MAP4K4: variants seen among roughly 807,000 people sequenced by gnomAD.
MAP4K4 encodes mitogen-activated protein kinase kinase kinase kinase 4, also known as HPK/GCK-like kinase HGK.
Under a neutral mutation model 189.6 loss-of-function variants are expected in MAP4K4, and 38 were observed. The ratio of observed to expected loss-of-function variants is 0.20; its 90% CI spans 0.15 to 0.26. The LOEUF (loss-of-function observed/expected upper bound fraction) is 0.26, where lower values mean the gene tolerates loss of function less well. MAP4K4 is among the 10% of genes least tolerant of loss of function. The probability of loss-of-function intolerance (pLI) is 1.00; values close to 1 mark genes in which losing one functional copy is unlikely to be tolerated. For missense variants in MAP4K4, 1,054 were observed against 1,726.9 expected (o/e 0.61, Z 6.91); for synonymous variants, 610 against 624.3 (o/e 0.98, Z 0.34).
chr2:101,791,586 T>C (rs1414001192), intron 3 of MAP4K4, among the ~76,000 whole-genome samples: 1 of 152,230 alleles, frequency 6.6e-6, no homozygotes, highest in Non-Finnish European at 1.5e-5. Context: ...AAGAGTTCAC[T>C]AGCAGCATTG....
At chr2:101,870,404 A>G (rs2097950746) in exon 23 of MAP4K4, 4 of 1,613,510 alleles carry the variant, frequency 2.5e-6, no homozygotes, top group African/African-American at 2.7e-5. Context: ...GGGCACTCTA[A>G]TCGTCCGCCA....
intron 2 of MAP4K4, among the ~76,000 whole-genome samples, chr2:101,754,715 G>C (rs753406218): frequency 3.9e-5 from 6 of 152,184 alleles, no homozygotes; most frequent in Non-Finnish European, 8.8e-5. Context: ...ACACAGCCTT[G>C]GGAATATGCC....
intron 18 of MAP4K4, among the ~76,000 whole-genome samples, chr2:101,865,423 T>C (rs1181504593): frequency 6.6e-6 from 1 of 152,246 alleles, no homozygotes; most frequent in Admixed American, 6.5e-5. Flanking sequence ...AGTCACTGGT[T>C]GACTTCACAG....
chr2:101,873,724 A>G (rs568662613), exon 25 of MAP4K4: 311 of 1,612,778 alleles, frequency 1.9e-4, no homozygotes, highest in Admixed American at 2.5e-4. Context: ...CCAGATTACT[A>G]CAGATTTCTC....
intron 2 of MAP4K4, among the ~76,000 whole-genome samples, chr2:101,757,557 A>G (rs1486886783): frequency 6.6e-6 from 1 of 152,214 alleles, no homozygotes; most frequent in Admixed American, 6.5e-5. Flanking sequence ...ATAAAATTTT[A>G]AAAATAACAC....
At chr2:101,870,132 A>C in intron 22 of MAP4K4, 163 bp from the exon 23 acceptor site, 1 of 711,186 alleles carries the variant, frequency 1.4e-6, no homozygotes, top group Middle Eastern at 3.8e-4. Context: ...ACTGGAAAGA[A>C]ATTCTTTGTT....
intron 28 of MAP4K4, among the ~76,000 whole-genome samples, chr2:101,884,214 A>G (rs1313706234): frequency 1.3e-5 from 2 of 152,194 alleles, no homozygotes; most frequent in East Asian, 1.9e-4. Flanking sequence ...AGCTATTTAA[A>G]TGTATATTAA....
At chr2:101,781,931 G>A (rs935766564) in intron 2 of MAP4K4, among the ~76,000 whole-genome samples, 14 of 152,190 alleles carry the variant, frequency 9.2e-5, no homozygotes, top group African/African-American at 3.4e-4. Context: ...ACAGCACACA[G>A]CTGTAAATGA....
intron 2 of MAP4K4, among the ~76,000 whole-genome samples, chr2:101,765,276 G>A (rs559751493): frequency 6.6e-6 from 1 of 152,182 alleles, no homozygotes; most frequent in Non-Finnish European, 1.5e-5. Context: ...TACAAGGATT[G>A]TTGTTTTTCT....
At chr2:101,820,716 G>T (rs1415204648) in intron 3 of MAP4K4, among the ~76,000 whole-genome samples, 1 of 152,158 alleles carries the variant, frequency 6.6e-6, no homozygotes, top group African/African-American at 2.4e-5. Flanking sequence ...GCCTCACTAG[G>T]GCTGTCCCAG....
chr2:101,837,036 C>A (rs538072301), intron 9 of MAP4K4, among the ~76,000 whole-genome samples: 1 of 151,394 alleles, frequency 6.6e-6, no homozygotes, highest in African/African-American at 2.4e-5. Context: ...TGCATGGTCT[C>A]CCCTCCTTTT....
At chr2:101,788,288 C>A (rs965827851) in intron 2 of MAP4K4, among the ~76,000 whole-genome samples, 2 of 152,142 alleles carry the variant, frequency 1.3e-5, no homozygotes, top group African/African-American at 2.4e-5. Context: ...GAGGATGAAT[C>A]CCTGCCAAGA....
Position 101,887,943 on chromosome 2 carries a change from G to T in MAP4K4, c.3931+6G>T. On this transcript the variant is annotated splice_donor_region_variant and intron_variant, in intron 31 of 32. Coordinates refer to ENST00000324219, the Ensembl canonical transcript of MAP4K4. ...AGAGATGCCTACATCAGTAGGTATG[G>T]AGAACTTGGGGAAAGGCAGCATTTG... is the stretch of plus-strand genomic sequence containing the variant. 6.3e-7 allele frequency: 1 copy of T among 1,578,594 alleles called. No individual in the cohort carries two copies. The highest frequency in any genetic ancestry group is 1.2e-5 in the South Asian group (1 of 84,608).
At chr2:101,869,532 A>G in intron 21 of MAP4K4, 90 bp from the exon 22 acceptor site, 1 of 1,007,710 alleles carries the variant, frequency 9.9e-7, no homozygotes, top group Non-Finnish European at 1.5e-6. Context: ...CAAAACTGAC[A>G]TTGTGGCAAT....
At chr2:101,860,905 A>G (rs1255376762) in exon 16 of MAP4K4, 1 of 1,608,622 alleles carries the variant, frequency 6.2e-7, no homozygotes, top group African/African-American at 1.3e-5. Context: ...TGGAGCCACC[A>G]GTGCCTTCCC....
At chr2:101,799,315 G>A (rs2094134441) in intron 3 of MAP4K4, among the ~76,000 whole-genome samples, 2 of 152,176 alleles carry the variant, frequency 1.3e-5, no homozygotes, top group African/African-American at 4.8e-5. Context: ...GTAAATGTGA[G>A]TTTCCTTGTT....
chr2:101,867,697 C>T (rs917239468), intron 20 of MAP4K4: 4 of 392,716 alleles, frequency 1.0e-5, no homozygotes, highest in African/African-American at 8.3e-5. Context: ...TTTACTTATT[C>T]TTCGTGAGTT....
chr2:101,879,169 T>G (rs925404028), intron 27 of MAP4K4, among the ~76,000 whole-genome samples: 22 of 120,464 alleles, frequency 1.8e-4, no homozygotes, highest in African/African-American at 6.9e-4. Flanking sequence ...CACTCCAGCC[T>G]GGGTGACAGA....
intron 5 of MAP4K4, 22 bp downstream of exon 5, chr2:101,825,451 A>T (rs769269014): frequency 4.6e-6 from 7 of 1,514,938 alleles, no homozygotes; most frequent in Non-Finnish European, 6.4e-6. Flanking sequence ...GGGTGGCTAC[A>T]GTGCTCCAAC....
Sources: gnomAD v4.1 joint callset for allele counts (sites outside exome capture counted in the v4.1 genomes callset) on GRCh38, gnomAD v4.1.1 for gene constraint, MANE v1.5 for transcripts, NCBI Gene and HGNC (gene_info 2026-07-23, HGNC 2026-07-21) for gene names.